Variants in RMDN2 observed in about 807,000 individuals in gnomAD.
The protein encoded by RMDN2 is regulator of microtubule dynamics 2.
A neutral mutation model predicts 52.8 loss-of-function variants in RMDN2; 61 were observed. That is an observed-to-expected ratio of 1.16 (90% CI 0.94 to 1.43). RMDN2 has a LOEUF of 1.43. Ranked by LOEUF, RMDN2 falls within the 40% of genes most tolerant of loss-of-function variation. RMDN2 has a pLI of 0.00. For missense variants in RMDN2, 592 were observed against 475.3 expected (o/e 1.25, Z -2.28); for synonymous variants, 180 against 153.1 (o/e 1.18, Z -1.30).
rs115813737 is a variant in RMDN2 at position 38,044,569 on chromosome 2, T to A, written c.1714-22413T>A. ...AGTTGTTATATGTTCTGTTTGGGTT[T>A]TCTTTTTTTTTTTCCATTCTTTTTT... On this transcript the variant is annotated intron_variant, in intron 10 of 10. Transcript: ENST00000234195. Among the ~76,000 whole-genome samples the A allele has an allele frequency of 4.9e-3, 751 of 152,052 alleles. 5 individuals carry two copies. Among genetic ancestry groups the A allele is most frequent in the African/African-American group, 0.018 (727 of 41,486 alleles).
intron 2 of RMDN2, among the ~76,000 whole-genome samples, chr2:37,972,134 A>G (rs1671887261): frequency 6.6e-6 from 1 of 152,224 alleles, no homozygotes; most frequent in South Asian, 2.1e-4. Flanking sequence ...TATTTTATTT[A>G]ATTATGTTTG....
chr2:38,025,672 T>A (rs1679729350), intron 10 of RMDN2, among the ~76,000 whole-genome samples: 1 of 152,072 alleles, frequency 6.6e-6, no homozygotes, highest in Non-Finnish European at 1.5e-5. Flanking sequence ...GAGTTTTTTT[T>A]ATGGAATTAA....
intron 2 of RMDN2, among the ~76,000 whole-genome samples, chr2:37,954,023 T>C: frequency 6.6e-6 from 1 of 152,008 alleles, no homozygotes; most frequent in East Asian, 1.9e-4. Context: ...TTCAAGTCCC[T>C]TGATCCTTTT....
intron 10 of RMDN2, among the ~76,000 whole-genome samples, chr2:38,034,624 T>A (rs1172199859): frequency 7.9e-5 from 12 of 152,090 alleles, no homozygotes; most frequent in African/African-American, 2.9e-4. Context: ...ATTTTAAAAA[T>A]TTATTATAAT....
At chr2:37,967,795 T>C (rs1671262941) in intron 2 of RMDN2, among the ~76,000 whole-genome samples, 1 of 152,166 alleles carries the variant, frequency 6.6e-6, no homozygotes, top group Non-Finnish European at 1.5e-5. Flanking sequence ...TTTCAACTTT[T>C]GTTTCCTAAT....
chr2:37,997,620 G>C, intron 8 of RMDN2, 106 bp downstream of exon 8: 1 of 765,018 alleles, frequency 1.3e-6, no homozygotes, highest in Non-Finnish European at 2.2e-6. Flanking sequence ...GCCTCAGTTT[G>C]AATCCTGGTT....
upstream of RMDN2, among the ~76,000 whole-genome samples, chr2:37,924,343 G>A (rs1447508528): frequency 1.3e-5 from 2 of 152,200 alleles, no homozygotes; most frequent in Non-Finnish European, 2.9e-5. Flanking sequence ...TAATACTCAA[G>A]GTGCGGACAA....
At chr2:38,020,913 G>A (rs974115577), downstream of RMDN2, among the ~76,000 whole-genome samples, 8 of 152,210 alleles carry the variant, frequency 5.3e-5, no homozygotes, top group African/African-American at 1.9e-4. Context: ...TACGGGATTG[G>A]CAGGCAGCTC....
At chr2:38,014,674 T>C (rs1429388825) in intron 10 of RMDN2, among the ~76,000 whole-genome samples, 1 of 152,208 alleles carries the variant, frequency 6.6e-6, no homozygotes, top group East Asian at 1.9e-4. Flanking sequence ...ACCATATTTT[T>C]CCAACACTAT....
At chr2:38,043,908 A>G (rs529693329) in intron 10 of RMDN2, among the ~76,000 whole-genome samples, 12 of 152,204 alleles carry the variant, frequency 7.9e-5, no homozygotes, top group African/African-American at 1.7e-4. Context: ...AAGAATAAGA[A>G]GAATAAAATG....
chr2:38,063,231 C>G (rs1249580773), intron 10 of RMDN2, among the ~76,000 whole-genome samples: 1 of 152,184 alleles, frequency 6.6e-6, no homozygotes, highest in Non-Finnish European at 1.5e-5. Flanking sequence ...TACAGTCCCA[C>G]CAACAGTGTA....
intron 2 of RMDN2, among the ~76,000 whole-genome samples, chr2:37,965,546 C>T (rs1466884975): frequency 6.6e-6 from 1 of 152,062 alleles, no homozygotes; most frequent in Non-Finnish European, 1.5e-5. Context: ...TTACAAATTA[C>T]ATCTTTATGT....
chr2:38,064,279 C>G (rs1364150194), intron 10 of RMDN2, among the ~76,000 whole-genome samples: 2 of 152,040 alleles, frequency 1.3e-5, no homozygotes, highest in Admixed American at 6.6e-5. Context: ...GCGGGTAGAT[C>G]AGGAGTTTGA....
chr2:38,036,943 T>G (rs1384961126), intron 10 of RMDN2, among the ~76,000 whole-genome samples: 1 of 152,202 alleles, frequency 6.6e-6, no homozygotes, highest in Non-Finnish European at 1.5e-5. Flanking sequence ...CTTTATTGTC[T>G]ATTTCCGGGA....
chr2:37,930,555 G>A (rs966588745), intron 2 of RMDN2, among the ~76,000 whole-genome samples: 1 of 152,166 alleles, frequency 6.6e-6, no homozygotes, highest in African/African-American at 2.4e-5. Flanking sequence ...AGGGCAGGGC[G>A]CAGGTGGGAC....
chr2:37,969,558 T>C (rs1037328093), intron 2 of RMDN2, among the ~76,000 whole-genome samples: 1 of 151,860 alleles, frequency 6.6e-6, no homozygotes, highest in African/African-American at 2.4e-5. Flanking sequence ...TTATTATAAA[T>C]CCTAATTAGT....
intron 2 of RMDN2, chr2:37,952,876 T>C (rs1049299901): frequency 2.0e-5 from 3 of 152,032 alleles, no homozygotes; most frequent in Non-Finnish European, 4.4e-5. Flanking sequence ...GTATGTATAT[T>C]AGTCTCCCAA....
intron 2 of RMDN2, among the ~76,000 whole-genome samples, chr2:37,963,791 C>T (rs13016515): frequency 0.39 from 58,727 of 150,442 alleles, 12,190 homozygotes; most frequent in East Asian, 0.78. Context: ...TCCACAAAAC[C>T]GCCATCGTCA....
chr2:38,008,449 A>G (rs1366830665), intron 10 of RMDN2, among the ~76,000 whole-genome samples: 1 of 152,054 alleles, frequency 6.6e-6, no homozygotes, highest in Non-Finnish European at 1.5e-5. Flanking sequence ...TGATCCCTTT[A>G]CCATTATGTA....
Sources: gnomAD v4.1 joint callset for allele counts (sites outside exome capture counted in the v4.1 genomes callset) on GRCh38, gnomAD v4.1.1 for gene constraint, MANE v1.5 for transcripts, NCBI Gene and HGNC (gene_info 2026-07-23, HGNC 2026-07-21) for gene names.